Variants in DMD observed in about 807,000 individuals in gnomAD.
DMD encodes dystrophin.
Under a neutral mutation model 330.1 loss-of-function variants are expected in DMD, and 63 were observed. The observed-to-expected ratio is 0.19, with a 90% CI of 0.16 to 0.24. The LOEUF (loss-of-function observed/expected upper bound fraction) is 0.24. DMD is among the 10% of genes least tolerant of loss of function. The probability of loss-of-function intolerance (pLI) is 1.00; values close to 1 mark genes in which losing one functional copy is unlikely to be tolerated. For synonymous variants in DMD, 1,223 were observed against 959.8 expected (o/e 1.27, Z -5.07); for missense variants, 3,344 against 2,684.1 (o/e 1.25, Z -5.43).
At chrX:32,237,428 A>G (rs1422176501) in intron 43 of DMD, among the ~76,000 whole-genome samples, 5 of 110,637 alleles carry the variant, frequency 4.5e-5, no homozygotes, top group African/African-American at 1.6e-4. Flanking sequence ...TTCTCTCTAC[A>G]ACTGTTATAC....
chrX:32,455,436 A>T (rs750426203), intron 25 of DMD, among the ~76,000 whole-genome samples: 27 of 111,504 alleles, frequency 2.4e-4, no homozygotes, highest in Non-Finnish European at 4.7e-4. Context: ...ACAGGGAAAA[A>T]TAATAATTAA....
At chrX:32,880,546 A>G (rs2083833936) in intron 2 of DMD, among the ~76,000 whole-genome samples, 1 of 111,886 alleles carries the variant, frequency 8.9e-6, no homozygotes, top group African/African-American at 3.2e-5. Flanking sequence ...ATAGTCTTGT[A>G]ATTGCTTTTG....
intron 44 of DMD, among the ~76,000 whole-genome samples, chrX:32,166,664 G>A (rs1236396128): frequency 1.8e-5 from 2 of 111,226 alleles, no homozygotes; most frequent in African/African-American, 6.5e-5. Context: ...GCCTATATTA[G>A]TATGTGGCAC....
intron 51 of DMD, among the ~76,000 whole-genome samples, chrX:31,764,852 T>C (rs1454737360): frequency 8.9e-6 from 1 of 111,876 alleles, no homozygotes; most frequent in East Asian, 2.8e-4. Flanking sequence ...TATATAATTC[T>C]TAAATATTAT....
chrX:32,785,508 C>A (rs1043853604), intron 7 of DMD, among the ~76,000 whole-genome samples: 2 of 111,031 alleles, frequency 1.8e-5, no homozygotes, highest in Non-Finnish European at 3.8e-5. Flanking sequence ...GTGAAGAAGG[C>A]TAGGTAAGGA....
chrX:32,645,348 C>T (rs956440048), intron 9 of DMD, among the ~76,000 whole-genome samples, 196 bp from the exon 10 acceptor site: 3 of 111,815 alleles, frequency 2.7e-5, no homozygotes, highest in Non-Finnish European at 3.8e-5. Context: ...TTTCAAATAG[C>T]GGTCAAAATC....
intron 2 of DMD, among the ~76,000 whole-genome samples, chrX:32,923,397 C>G (rs1256239395): frequency 3.6e-5 from 4 of 109,682 alleles, no homozygotes; most frequent in African/African-American, 1.3e-4. Flanking sequence ...CCCATCTCTA[C>G]TAAAAATACA....
At chrX:32,717,253 A>G (rs1362261845) in intron 7 of DMD, among the ~76,000 whole-genome samples, 1 of 111,585 alleles carries the variant, frequency 9.0e-6, no homozygotes, top group Non-Finnish European at 1.9e-5. Context: ...CTAGGAAGGA[A>G]AAATGATTTC....
intron 44 of DMD, among the ~76,000 whole-genome samples, chrX:31,981,673 T>C (rs1319901399): frequency 9.0e-6 from 1 of 111,213 alleles, no homozygotes; most frequent in Non-Finnish European, 1.9e-5. Context: ...AAAGCAGCAG[T>C]GTGCAGCTCC....
chrX:32,545,194 C>T lies in DMD; in HGVS notation c.2133G>A (p.Lys711=), dbSNP rs1460468240. The T allele has an allele frequency of 8.3e-7, 1 of 1,211,130 alleles. No homozygotes were observed. Among genetic ancestry groups the T allele is most frequent in the Non-Finnish European group, 1.1e-6 (1 of 895,029 alleles). Residue 711 remains lysine, a synonymous_variant, in exon 17 of 79, where the codon AAG becomes AAA. Transcript: ENST00000357033. The stretch of plus-strand genomic sequence containing the variant: ...TTTCAGAATCCACAGTAATCTGCCT[C>T]TTCTTTTGGGGAGGTGGTGGTGGAA... The part of the protein sequence containing the change: ...EELPPPPPQK[K]RQITVDSEIR...
chrX:32,771,662 T>C (rs1271611949), intron 7 of DMD, among the ~76,000 whole-genome samples: 4 of 111,534 alleles, frequency 3.6e-5, no homozygotes, highest in Non-Finnish European at 7.5e-5. Flanking sequence ...TAAATATAAC[T>C]AAATAGTATT....
At chrX:31,502,497 T>A (rs2070499771) in intron 56 of DMD, among the ~76,000 whole-genome samples, 2 of 111,247 alleles carry the variant, frequency 1.8e-5, no homozygotes, top group Non-Finnish European at 3.8e-5. Context: ...TATTCTAACC[T>A]CTAATAGCAA....
intron 3 of DMD, among the ~76,000 whole-genome samples, chrX:32,849,144 G>A (rs988512890): frequency 3.6e-5 from 4 of 111,419 alleles, no homozygotes; most frequent in African/African-American, 1.3e-4. Flanking sequence ...AATCTAAGAC[G>A]ATTATTTCAG....
rs140429052 is a variant in DMD at position 32,673,559 on chromosome X, T to C, written c.960+24311A>G. 6.9e-3 allele frequency among the ~76,000 whole-genome samples: 773 copies of C among 112,095 alleles called. 7 individuals carry two copies. The highest frequency in any genetic ancestry group is 0.023 in the African/African-American group (711 of 30,940). On this transcript the variant is annotated intron_variant, in intron 9 of 78. Transcript: ENST00000357033. ...GAGTGGAAAAGCCAATTTGTATTTT[T>C]ACTCCAAATCGAATGTTTGTATGAA... is the stretch of plus-strand genomic sequence containing the variant.
intron 54 of DMD, among the ~76,000 whole-genome samples, chrX:31,652,020 T>G (rs2148579257): frequency 8.9e-6 from 1 of 111,856 alleles, no homozygotes; most frequent in African/African-American, 3.2e-5. Context: ...CCCTCTAAAT[T>G]TATTGTCAAC....
intron 7 of DMD, among the ~76,000 whole-genome samples, chrX:32,773,670 G>C (rs1272599696): frequency 1.8e-5 from 2 of 110,383 alleles, no homozygotes; most frequent in African/African-American, 6.6e-5. Flanking sequence ...TGCAATATTT[G>C]TGTCTCTGTG....
chrX:31,809,747 T>G (rs2092403414), intron 50 of DMD, among the ~76,000 whole-genome samples: 1 of 111,099 alleles, frequency 9.0e-6, no homozygotes, highest in Admixed American at 9.6e-5. Flanking sequence ...ATATCTGGCC[T>G]GGAAGATTTG....
In DMD at chrX:31,147,386, G is replaced by C; in HGVS notation, c.10686C>G (p.Ala3562=). ...GGCCTTTGTGTTGACGCAGTAGCTT[G>C]GCCTCAGCAATGAGCTCAGCATCCC... ...SPRDAELIAE[A]KLLRQHKGRL... Residue 3562 remains alanine (A), a synonymous_variant, in exon 75 of 79, where the codon GCC becomes GCG. Coordinates refer to ENST00000357033, the MANE Select transcript of DMD (RefSeq NM_004006.3). The C allele has an allele frequency of 8.3e-7, 1 of 1,210,388 alleles. No individual in the cohort carries two copies. The highest frequency in any genetic ancestry group is 1.1e-6 in the Non-Finnish European group (1 of 895,177).
intron 2 of DMD, among the ~76,000 whole-genome samples, chrX:32,857,108 TG>T (rs963112461): frequency 2.7e-5 from 3 of 111,330 alleles, no homozygotes; most frequent in Non-Finnish European, 5.7e-5. Flanking sequence ...GGAATGTTTG[TG>T]GCACAAAGAA....
Sources: allele counts gnomAD v4.1 joint callset (sites outside exome capture counted in the v4.1 genomes callset), GRCh38; gene constraint gnomAD v4.1.1; transcripts MANE v1.5; gene names NCBI Gene and HGNC (gene_info 2026-07-23, HGNC 2026-07-21).